ADAMTS14: variants seen among roughly 807,000 people sequenced by gnomAD.
ADAMTS14 encodes the protein A disintegrin and metalloproteinase with thrombospondin motifs 14.
Under a neutral mutation model 128.6 loss-of-function variants are expected in ADAMTS14, and 100 were observed. That is an observed-to-expected ratio of 0.78 (90% CI 0.66 to 0.92). ADAMTS14 has a LOEUF of 0.92. ADAMTS14 is among the 40% of genes least tolerant of loss of function. The probability of loss-of-function intolerance (pLI) is 0.00; values close to 1 mark genes in which losing one functional copy is unlikely to be tolerated. For synonymous variants in ADAMTS14, 665 were observed against 653.8 expected (o/e 1.02, Z -0.26); for missense variants, 1,562 against 1,658.6 (o/e 0.94, Z 1.01).
In ADAMTS14 at chr10:70,735,338, G is replaced by A. The variant is rs375859238; in HGVS notation, c.1485+37G>A. On this transcript the variant is annotated intron_variant, in intron 9 of 21. Transcript: ENST00000373207. ...TCTGGCCTCTGCCAGGTGGTTGGGGGCCAGGGCAGTGTCCTTCTGTGGCCC... is the reference window on the plus strand; with the variant it reads ...TCTGGCCTCTGCCAGGTGGTTGGGGACCAGGGCAGTGTCCTTCTGTGGCCC... 3.7e-6 allele frequency: 6 copies of A among 1,608,354 alleles called. No individual in the cohort carries two copies. In the African/African-American group the frequency reaches 6.7e-5, roughly 18 times the overall value.
In ADAMTS14 at chr10:70,760,721, C is replaced by G. The variant is rs776857235; in HGVS notation, c.3540C>G (p.Ser1180=). ...TPIPGASWSI[S]PTTPGGLPWG... is the part of the protein sequence containing the mutation. The stretch of plus-strand genomic sequence containing the variant: ...TCCCTGGAGCATCCTGGAGCATCTC[C>G]CCTACCACCCCCGGGGGGCTGCCTT... The change falls in exon 22 of 22, where the codon TCC becomes TCG. Residue 1180 remains serine, a synonymous_variant. Coordinates refer to ENST00000373207, the MANE Select transcript of ADAMTS14 (RefSeq NM_080722.4). The G allele has an allele frequency of 1.7e-5, 27 of 1,613,984 alleles. 1 individual carries two copies. Among genetic ancestry groups the G allele is most frequent in the South Asian group, 1.6e-4 (15 of 91,068 alleles).
chr10:70,707,016 A>G (rs1244206924), intron 3 of ADAMTS14, among the ~76,000 whole-genome samples: 3 of 152,214 alleles, frequency 2.0e-5, no homozygotes, highest in Non-Finnish European at 1.5e-5. Context: ...CCTGTGCTGA[A>G]GCAGGTTATC....
chr10:70,675,423 T>C (rs902778982), intron 2 of ADAMTS14, among the ~76,000 whole-genome samples: 5 of 152,228 alleles, frequency 3.3e-5, no homozygotes, highest in Non-Finnish European at 7.3e-5. Flanking sequence ...TCTGCTCTCC[T>C]GGAGCTGACC....
At chr10:70,713,581 G>A (rs918503287) in intron 4 of ADAMTS14, among the ~76,000 whole-genome samples, 2 of 152,236 alleles carry the variant, frequency 1.3e-5, no homozygotes, top group African/African-American at 2.4e-5. Flanking sequence ...ATGGGAAACA[G>A]GAACAACCCA....
At chr10:70,695,114 T>C (rs1302639920) in intron 2 of ADAMTS14, among the ~76,000 whole-genome samples, 1 of 152,254 alleles carries the variant, frequency 6.6e-6, no homozygotes, top group African/African-American at 2.4e-5. Flanking sequence ...ACTGATGATA[T>C]TGAACATCTT....
chr10:70,744,104 G>T lies in ADAMTS14; in HGVS notation c.2097G>T (p.Ala699=), dbSNP rs138451237. ...GCDKEVGSMK[A]DDKCGVCGGD... ...ACAAGGAGGTGGGGTCCATGAAGGC[G>T]GATGACAAGTGTGGAGTCTGCGGGG... Residue 699 remains alanine, a synonymous_variant, in exon 14 of 22, where the codon GCG becomes GCT. Coordinates refer to ENST00000373207, the MANE Select transcript of ADAMTS14 (RefSeq NM_080722.4). 1.9e-6 allele frequency: 3 copies of T among 1,565,944 alleles called. No individual in the cohort carries two copies. The highest frequency in any genetic ancestry group is 3.8e-5 in the Admixed American group (2 of 52,952).
intron 2 of ADAMTS14, among the ~76,000 whole-genome samples, chr10:70,684,017 C>G (rs1344336296): frequency 6.6e-6 from 1 of 151,976 alleles, no homozygotes; most frequent in Non-Finnish European, 1.5e-5. Flanking sequence ...TTAATCAGCT[C>G]ACAGTTCTGC....
At chr10:70,726,515 G>A (rs947086785) in intron 4 of ADAMTS14, among the ~76,000 whole-genome samples, 3 of 152,322 alleles carry the variant, frequency 2.0e-5, no homozygotes, top group Admixed American at 6.5e-5. Context: ...ATGAGTATGC[G>A]TGGGACACAG....
chr10:70,682,778 C>T (rs975521988), intron 2 of ADAMTS14, among the ~76,000 whole-genome samples: 6 of 152,064 alleles, frequency 3.9e-5, no homozygotes, highest in African/African-American at 1.4e-4. Context: ...CACACAGAGC[C>T]CGTGTTGGCC....
At chr10:70,698,944 G>C (rs1840414649) in intron 2 of ADAMTS14, among the ~76,000 whole-genome samples, 1 of 152,120 alleles carries the variant, frequency 6.6e-6, no homozygotes, top group Non-Finnish European at 1.5e-5. Flanking sequence ...GAGTGGGAGG[G>C]ACCATTTCTT....
At chr10:70,678,976 C>T (rs1429464074) in intron 2 of ADAMTS14, among the ~76,000 whole-genome samples, 1 of 152,140 alleles carries the variant, frequency 6.6e-6, no homozygotes, top group East Asian at 1.9e-4. Flanking sequence ...TATGGAGGGC[C>T]TTCTGGGTGT....
At chr10:70,750,775 C>T (rs1008616596) in intron 16 of ADAMTS14, among the ~76,000 whole-genome samples, 15 of 152,162 alleles carry the variant, frequency 9.9e-5, no homozygotes, top group Non-Finnish European at 1.6e-4. Flanking sequence ...AAATATGGTG[C>T]CGGGACACCT....
intron 21 of ADAMTS14, among the ~76,000 whole-genome samples, chr10:70,759,135 T>TCG (rs1554824339): frequency 2.2e-4 from 28 of 124,916 alleles, no homozygotes; most frequent in Non-Finnish European, 2.7e-4. Flanking sequence ...CTTCTACTTC[T>TCG]CTGCTCCTAG....
chr10:70,706,604 G>A (rs1029251266), intron 3 of ADAMTS14, among the ~76,000 whole-genome samples: 6 of 152,178 alleles, frequency 3.9e-5, no homozygotes, highest in East Asian at 1.9e-4. Flanking sequence ...AGCTTAGAGC[G>A]GTGCCAGCCT....
intron 2 of ADAMTS14, among the ~76,000 whole-genome samples, chr10:70,682,436 G>T (rs1239072894): frequency 2.0e-5 from 3 of 152,228 alleles, no homozygotes; most frequent in Non-Finnish European, 4.4e-5. Context: ...CATGTGCTGG[G>T]GGGTGAGTGT....
At chr10:70,676,957 GC>G (rs1408527854) in intron 2 of ADAMTS14, among the ~76,000 whole-genome samples, 1 of 152,202 alleles carries the variant, frequency 6.6e-6, no homozygotes, top group Non-Finnish European at 1.5e-5. Context: ...TTCTCTGACT[GC>G]CCTCCTGGAG....
At chr10:70,701,292 A>G (rs1840485180) in intron 2 of ADAMTS14, among the ~76,000 whole-genome samples, 1 of 152,234 alleles carries the variant, frequency 6.6e-6, no homozygotes, top group Non-Finnish European at 1.5e-5. Flanking sequence ...GTGAATTTAT[A>G]AAAACACTTC....
chr10:70,676,686 G>A (rs975555365), intron 2 of ADAMTS14, among the ~76,000 whole-genome samples: 4 of 152,230 alleles, frequency 2.6e-5, no homozygotes, highest in Non-Finnish European at 4.4e-5. Context: ...CTGAGCCTCT[G>A]CCGCCAGCCC....
intron 1 of ADAMTS14, among the ~76,000 whole-genome samples, 168 bp from the exon 2 acceptor site, chr10:70,674,388 T>A (rs937688065): frequency 6.6e-6 from 1 of 152,128 alleles, no homozygotes; most frequent in African/African-American, 2.4e-5. Flanking sequence ...AGTGTAGGAA[T>A]CCTGGAGCTC....
Sources: allele counts gnomAD v4.1 joint callset (sites outside exome capture counted in the v4.1 genomes callset), GRCh38; gene constraint gnomAD v4.1.1; transcripts MANE v1.5; gene names NCBI Gene and HGNC (gene_info 2026-07-23, HGNC 2026-07-21).